The following COL4A1 variants were observed in gnomAD, a reference collection of about 807,000 sequenced individuals.
COL4A1 encodes the protein collagen type IV alpha 1 chain, also known as collagen alpha-1(IV) chain.
A neutral mutation model predicts 216.6 loss-of-function variants in COL4A1; 40 were observed. The observed-to-expected ratio is 0.18, with a 90% CI of 0.14 to 0.24. The LOEUF (loss-of-function observed/expected upper bound fraction) is 0.24. COL4A1 is among the 10% of genes least tolerant of loss of function. The probability of loss-of-function intolerance (pLI) is 1.00; values close to 1 mark genes in which losing one functional copy is unlikely to be tolerated. For synonymous variants in COL4A1, 839 were observed against 810.7 expected, an observed-to-expected ratio of 1.03 and a Z score of -0.59; for missense variants, 1,628 against 2,196.8, an observed-to-expected ratio of 0.74 and a Z score of 5.18.
rs369332396 is a variant in COL4A1, at chr13:110,169,787, C to T, written c.3743-25G>A. On this transcript the variant is annotated intron_variant, in intron 42 of 51. Coordinates refer to ENST00000375820, the MANE Select transcript of COL4A1 (RefSeq NM_001845.6). Reference sequence around the variant, plus strand: ...CCTAATGGAAGAGAAGAAAGCCACACATTTGGGGTTAAATATGCACAAGTG... The same window carrying T: ...CCTAATGGAAGAGAAGAAAGCCACATATTTGGGGTTAAATATGCACAAGTG... 63 of 1,613,702 alleles carry T rather than the reference C, an allele frequency of 3.9e-5. No individual in the cohort carries two copies. In the African/African-American group the frequency reaches 5.9e-4, roughly 15 times the overall value.
intron 1 of COL4A1, among the ~76,000 whole-genome samples, chr13:110,285,217 C>T (rs1377756845): frequency 6.6e-6 from 1 of 152,206 alleles, no homozygotes; most frequent in Non-Finnish European, 1.5e-5. Context: ...CAGGAAGCAT[C>T]GATTTTCCAT....
At chr13:110,156,617 T>A (rs1203516794) in intron 49 of COL4A1, among the ~76,000 whole-genome samples, 1 of 152,124 alleles carries the variant, frequency 6.6e-6, no homozygotes, top group East Asian at 1.9e-4. Flanking sequence ...AACAGCACAG[T>A]GTTCTGACTA....
At chr13:110,297,632 C>A (rs1305024216) in intron 1 of COL4A1, among the ~76,000 whole-genome samples, 1 of 152,168 alleles carries the variant, frequency 6.6e-6, no homozygotes, top group African/African-American at 2.4e-5. Context: ...AGTCTCAGAA[C>A]TTAAATGAAA....
intron 2 of COL4A1, among the ~76,000 whole-genome samples, chr13:110,242,372 T>A (rs1881606152): frequency 6.6e-6 from 1 of 152,132 alleles, no homozygotes; most frequent in South Asian, 2.1e-4. Flanking sequence ...ATACATCAAT[T>A]CGAAAAAGTA....
At chr13:110,253,171 CTA>C (rs1179398414) in intron 1 of COL4A1, among the ~76,000 whole-genome samples, 8 of 139,340 alleles carry the variant, frequency 5.7e-5, no homozygotes, top group African/African-American at 2.1e-4. Flanking sequence ...ATACATATAA[CTA>C]TATGTACGTA....
At chr13:110,170,107 G>GA (rs1877552809) in intron 42 of COL4A1, among the ~76,000 whole-genome samples, 1 of 73,470 alleles carries the variant, frequency 1.4e-5, no homozygotes, top group Admixed American at 1.1e-4. Context: ...GAGAGGAAGG[G>GA]AGGAAAGAAG....
At chr13:110,227,699 G>A (rs1272180782) in intron 2 of COL4A1, among the ~76,000 whole-genome samples, 1 of 152,228 alleles carries the variant, frequency 6.6e-6, no homozygotes, top group Non-Finnish European at 1.5e-5. Flanking sequence ...GAGCTCTCAT[G>A]GGAATTCTAA....
chr13:110,250,025 A>T (rs922012159), intron 1 of COL4A1, among the ~76,000 whole-genome samples: 10 of 152,170 alleles, frequency 6.6e-5, no homozygotes, highest in African/African-American at 2.4e-4. Context: ...GATCCCAAAG[A>T]TGTGAAAATA....
In COL4A1 at chr13:110,194,859, G is replaced by A. The variant is rs111545651; in HGVS notation, c.1381+164C>T. Among the ~76,000 whole-genome samples, 792 of 152,166 alleles carry A rather than the reference G, an allele frequency of 5.2e-3. 5 individuals are homozygous for A. The highest frequency in any genetic ancestry group is 0.018 in the African/African-American group (728 of 41,526). On this transcript the variant is annotated intron_variant, in intron 22 of 51. Transcript: ENST00000375820. ...CCACCCAGATCATCAACTAAGTTCC[G>A]GAAGATGCTTATTCTAGGAAGAGAT... is the stretch of plus-strand genomic sequence containing the variant.
chr13:110,154,884 G>A (rs1876704213), intron 50 of COL4A1, among the ~76,000 whole-genome samples: 1 of 152,218 alleles, frequency 6.6e-6, no homozygotes, highest in Non-Finnish European at 1.5e-5. Flanking sequence ...CTGGTCATAT[G>A]AAGAAGCTGC....
At chr13:110,192,748 T>A in intron 23 of COL4A1, 82 bp downstream of exon 23, 4 of 1,226,852 alleles carry the variant, frequency 3.3e-6, no homozygotes. Flanking sequence ...AGGCCTTCTA[T>A]GGAGTGAAAT....
intron 1 of COL4A1, among the ~76,000 whole-genome samples, chr13:110,285,736 C>A (rs1015795474): frequency 6.6e-6 from 1 of 152,138 alleles, no homozygotes; most frequent in African/African-American, 2.4e-5. Flanking sequence ...CTTCTCCTGC[C>A]CCTGGTGCTC....
rs547202641 is a variant in COL4A1 at position 110,249,269 on chromosome 13, G to A, written c.85-6535C>T. Among the ~76,000 whole-genome samples the A allele has an allele frequency of 3.9e-5, 6 of 152,178 alleles. 1 individual carries two copies. The East Asian group carries it at 1.2e-3, about 29-fold the overall frequency. On this transcript the variant is annotated intron_variant, in intron 1 of 51. Transcript: ENST00000375820. ...TGTTGCGGGCGGTGACTACACGGGT[G>A]TATACGTCGGTAAAAACTCATCGAG...
chr13:110,281,570 G>A (rs1473768897), intron 1 of COL4A1, among the ~76,000 whole-genome samples: 3 of 152,014 alleles, frequency 2.0e-5, no homozygotes, highest in Non-Finnish European at 2.9e-5. Flanking sequence ...CACTATGGGG[G>A]CTCACACAGA....
At position 110,210,135 on chromosome 13, in the gene COL4A1, C is replaced by T. The variant is rs1419832391; in HGVS notation, c.546G>A (p.Gly182=). 2 of 1,614,068 alleles carry T rather than the reference C, an allele frequency of 1.2e-6. No individual in the cohort carries two copies. The highest frequency in any genetic ancestry group is 1.7e-6 in the Non-Finnish European group (2 of 1,180,000). ...TGATTCAGCAAATGCTTACTGGAGT[C>T]CCTGGGATTCCGGGAAATCCTCTTT... ...KGERGFPGIP[G]TPGPPGLPGL... is the part of the protein sequence containing the mutation. The change falls in exon 9 of 52, where the codon GGG becomes GGA. Residue 182 remains glycine, a synonymous_variant. Coordinates refer to ENST00000375820, the MANE Select transcript of COL4A1 (RefSeq NM_001845.6).
rs537083596 is a variant in COL4A1, at chr13:110,266,143, C to A, written c.85-23409G>T. On this transcript the variant is annotated intron_variant, in intron 1 of 51. Coordinates refer to ENST00000375820, the MANE Select transcript of COL4A1 (RefSeq NM_001845.6). ...AATGAAGTCATGCCCCGGCCTGCAC[C>A]CGGGAAACTGCACACAGCGAAAGAT... 2.6e-5 allele frequency: 4 copies of A among 152,368 alleles called. No individual in the cohort carries two copies. In the East Asian group the frequency reaches 7.7e-4, roughly 29 times the overall value. The allele number at this position is 152,368 out of a possible 1,614,324, so 9.4% of individuals were successfully genotyped here.
At chr13:110,204,152 T>G (rs557577234) in intron 17 of COL4A1, among the ~76,000 whole-genome samples, 2 of 152,212 alleles carry the variant, frequency 1.3e-5, no homozygotes, top group Non-Finnish European at 2.9e-5. Flanking sequence ...CCATAGTAGA[T>G]GAAAAACTCA....
In COL4A1 at chr13:110,178,111, G is replaced by A. The variant is rs1877964686; in HGVS notation, c.2579C>T (p.Pro860Leu). ...AGCCCCCTGCTGTCCAGGAAGGCCA[G>A]GGAGCCCCGACTGTCCCGTTATGCC... Reference protein sequence around the residue: ...LPGITGQSGLPGLPGQQGAPG... With the variant: ...LPGITGQSGLLGLPGQQGAPG... Residue 860 changes from proline (P) to leucine (L), a missense_variant, in exon 32 of 52, where the codon CCT becomes CTT. Transcript: ENST00000375820. 2 of 1,614,038 alleles carry A rather than the reference G, an allele frequency of 1.2e-6. No homozygotes were observed. The highest frequency in any genetic ancestry group is 1.7e-5 in the Admixed American group (1 of 60,002).
At chr13:110,227,514 G>C (rs991272252) in intron 2 of COL4A1, among the ~76,000 whole-genome samples, 1 of 151,900 alleles carries the variant, frequency 6.6e-6, no homozygotes, top group African/African-American at 2.4e-5. Context: ...TTCACTAAGA[G>C]GCAGGTTGGG....
Sources: gnomAD v4.1 joint callset for allele counts (sites outside exome capture counted in the v4.1 genomes callset) on GRCh38, gnomAD v4.1.1 for gene constraint, MANE v1.5 for transcripts, NCBI Gene and HGNC (gene_info 2026-07-23, HGNC 2026-07-21) for gene names.